The following HFE variants were observed in gnomAD, a reference collection of about 807,000 sequenced individuals.
The protein encoded by HFE is hereditary hemochromatosis protein.
HFE carries 36 observed loss-of-function variants against 40.9 expected under a neutral mutation model. That is an observed-to-expected ratio of 0.88 (90% confidence interval 0.67 to 1.16). HFE has a LOEUF of 1.16. Among genes scored for constraint, HFE ranks in the 50% most tolerant of loss-of-function variants. The pLI is 0.00. For missense variants in HFE, 376 were observed against 432.0 expected (o/e 0.87, Z 1.15); for synonymous variants, 157 against 165.4 (o/e 0.95, Z 0.39).
At position 26,092,666 on chromosome 6, in the gene HFE, C is replaced by T; in HGVS notation, c.617-19C>T. 6.2e-7 allele frequency: 1 copy of T among 1,614,182 alleles called. No individual in the cohort carries two copies. On this transcript the variant is annotated intron_variant, in intron 3 of 5. Coordinates refer to ENST00000357618, the MANE Select transcript of HFE (RefSeq NM_000410.4). ...GGTAAACAGATCCCCTCTCCTCATC[C>T]TTCCTCTTTCCTGTCAAGTGCCTCC...
Position 26,092,928 on chromosome 6 carries a change from C to T in HFE, c.860C>T (p.Pro287Leu), listed in dbSNP as rs1431315635. Residue 287 changes from proline (P) to leucine (L), a missense_variant, in exon 4 of 6, where the codon CCA becomes CTA. Around this residue, in one of 3 missense-constraint regions of HFE, gnomAD observed 173 missense variants for 186.9 expected, o/e 0.93. Coordinates refer to ENST00000357618, the MANE Select transcript of HFE (RefSeq NM_000410.4). ...AGATATACGTGCCAGGTGGAGCACC[C>T]AGGCCTGGATCAGCCCCTCATTGTG... is the stretch of plus-strand genomic sequence containing the variant. ...EQRYTCQVEH[P>L]GLDQPLIVIW... is the part of the protein sequence containing the mutation. The T allele has an allele frequency of 1.2e-6, 2 of 1,614,148 alleles. No individual in the cohort carries two copies.
intron 3 of HFE, 71 bp downstream of exon 3, chr6:26,091,660 C>A (rs2113754683): frequency 1.3e-6 from 2 of 1,547,552 alleles, no homozygotes; most frequent in Non-Finnish European, 1.8e-6. Context: ...GCACGGAATC[C>A]CTGGTTGGAG....
chr6:26,093,344 T>C (rs1762867216), intron 5 of HFE, 112 bp downstream of exon 5: 2 of 768,872 alleles, frequency 2.6e-6, no homozygotes, highest in African/African-American at 1.7e-5. Flanking sequence ...TTTATATTCT[T>C]TGGGGACACC....
chr6:26,092,478 T>C (rs2113759520), intron 3 of HFE: 1 of 768,702 alleles, frequency 1.3e-6, no homozygotes. Context: ...TATTTACATG[T>C]GAGGAGAACA....
chr6:26,091,315 GTC>G lies in HFE; in HGVS notation c.343_344del (p.Ser115ProfsTer10). ...TAACAAGGCTGGGGATTTTTCCAGA[GTC>G]CCACACCCTGCAGGTCATCCTGGGC... ...IMENHNHSKE[S>X]HTLQVILGCE... On this transcript the variant is annotated frameshift_variant and splice_region_variant, in exon 3 of 6. Coordinates refer to ENST00000357618, the MANE Select transcript of HFE (RefSeq NM_000410.4). LOFTEE classifies it high-confidence loss of function. The G allele has an allele frequency of 6.2e-7, 1 of 1,614,202 alleles. No homozygotes were observed. The highest frequency in any genetic ancestry group is 8.5e-7 in the Non-Finnish European group (1 of 1,180,036).
In HFE at chr6:26,094,855, G is replaced by A; in HGVS notation, c.*629G>A. On this transcript the variant is annotated 3_prime_UTR_variant, in exon 6 of 6. Transcript: ENST00000357618. The stretch of plus-strand genomic sequence containing the variant: ...CAGAAAAAGCATCATGGCTATCTGT[G>A]GGTAGTATGATGGGTGTTTTTAGCA... 1 of 193,492 alleles carries A rather than the reference G, an allele frequency of 5.2e-6. No individual in the cohort carries two copies. The highest frequency in any genetic ancestry group is 1.1e-5 in the Non-Finnish European group (1 of 92,460). 12.0% of individuals were successfully genotyped at this position (193,492 alleles called of 1,614,324 possible).
intron 1 of HFE, among the ~76,000 whole-genome samples, chr6:26,089,461 G>T (rs1290965608): frequency 6.6e-6 from 1 of 152,148 alleles, no homozygotes; most frequent in Non-Finnish European, 1.5e-5. Flanking sequence ...TGCTCTGGCT[G>T]CTATGTGGAA....
In HFE at chr6:26,092,675, T is replaced by G; in HGVS notation, c.617-10T>G. ...ATCCCCTCTCCTCATCCTTCCTCTT[T>G]CCTGTCAAGTGCCTCCTTTGGTGAA... On this transcript the variant is annotated splice_polypyrimidine_tract_variant and intron_variant, in intron 3 of 5. Coordinates refer to ENST00000357618, the MANE Select transcript of HFE (RefSeq NM_000410.4). The G allele has an allele frequency of 6.2e-7, 1 of 1,614,190 alleles. No homozygotes were observed. Among genetic ancestry groups the G allele is most frequent in the Non-Finnish European group, 8.5e-7 (1 of 1,180,018 alleles).
rs1338736813 is a variant in HFE, at chr6:26,092,713, T to C, written c.645T>C (p.His215=). 1.9e-6 allele frequency: 3 copies of C among 1,614,216 alleles called. No individual in the cohort carries two copies. The highest frequency in any genetic ancestry group is 2.5e-6 in the Non-Finnish European group (3 of 1,180,018). The stretch of plus-strand genomic sequence containing the variant: ...CTCCTTTGGTGAAGGTGACACATCA[T>C]GTGACCTCTTCAGTGACCACTCTAC... ...QVPPLVKVTH[H]VTSSVTTLRC... Residue 215 remains histidine (H), a synonymous_variant, in exon 4 of 6, where the codon CAT becomes CAC. Coordinates refer to ENST00000357618, the MANE Select transcript of HFE (RefSeq NM_000410.4).
rs1181015139 is a variant in HFE at position 26,095,063 on chromosome 6, A to G, written c.*837A>G. ...TCTCCTTGTTCTGATAATGAAAATT[A>G]TGATAAGGATGATAAAAGCACTTAC... On this transcript the variant is annotated 3_prime_UTR_variant, in exon 6 of 6. Transcript: ENST00000357618. 2.6e-5 allele frequency: 4 copies of G among 153,524 alleles called. No individual in the cohort carries two copies. Among genetic ancestry groups the G allele is most frequent in the African/African-American group, 9.6e-5 (4 of 41,458 alleles). The allele number at this position is 153,524 out of a possible 1,614,324, so 9.5% of individuals were successfully genotyped here. A position where few individuals can be genotyped will look rare whatever the true frequency, so the allele number is the denominator to read the frequency against.
chr6:26,095,712 A>C lies in HFE; in HGVS notation c.*1486A>C, dbSNP rs1219636299. 1 of 152,154 alleles carries C rather than the reference A, an allele frequency of 6.6e-6. No individual in the cohort carries two copies. The highest frequency in any genetic ancestry group is 1.5e-5 in the Non-Finnish European group (1 of 68,024). The allele number at this position is 152,154 out of a possible 1,614,324, so 9.4% of individuals were successfully genotyped here. On this transcript the variant is annotated 3_prime_UTR_variant, in exon 6 of 6. Coordinates refer to ENST00000357618, the MANE Select transcript of HFE (RefSeq NM_000410.4). ...ATTGTGTTTCTTCTGAGTGAGCTTG[A>C]ATCACATGAAGGGGAACAGCAGAAA...
chr6:26,091,580 G>T lies in HFE; in HGVS notation c.607G>T (p.Asp203Tyr). The change falls in exon 3 of 6, where the codon GAC (aspartate) becomes TAC (tyrosine). Residue 203 changes from aspartate to tyrosine, a missense_variant. Around this residue, in one of 3 missense-constraint regions of HFE, gnomAD observed 173 missense variants for 186.9 expected, o/e 0.93. Coordinates refer to ENST00000357618, the MANE Select transcript of HFE (RefSeq NM_000410.4). Reference sequence around the variant, plus strand: ...GCTGGAGCTGGGGAGAGGTGTTTTGGACCAACAAGGTATGGTGGAAACACA... The same window carrying T: ...GCTGGAGCTGGGGAGAGGTGTTTTGTACCAACAAGGTATGGTGGAAACACA... ...QLLELGRGVL[D>Y]QQVPPLVKVT... 1 of 1,612,920 alleles carries T rather than the reference G, an allele frequency of 6.2e-7. No homozygotes were observed. The highest frequency in any genetic ancestry group is 1.1e-5 in the South Asian group (1 of 90,968).
chr6:26,093,740 G>A (rs953162723), intron 5 of HFE, among the ~76,000 whole-genome samples: 2 of 151,960 alleles, frequency 1.3e-5, no homozygotes, highest in Non-Finnish European at 2.9e-5. Flanking sequence ...CCAAGTAGGA[G>A]AGTATAAGGC....
In HFE at chr6:26,087,448, C is replaced by G; in HGVS notation, c.8C>G (p.Pro3Arg). The G allele has an allele frequency of 6.2e-7, 1 of 1,614,022 alleles. No homozygotes were observed. Among genetic ancestry groups the G allele is most frequent in the Non-Finnish European group, 8.5e-7 (1 of 1,179,988 alleles). Residue 3 changes from proline to arginine, a missense_variant, in exon 1 of 6, where the codon CCG becomes CGG. By Grantham distance (103) the Pro-to-Arg change is moderately radical. Transcript: ENST00000357618. Reference sequence around the variant, plus strand: ...GCGGCCAGAGCTGGGGAAATGGGCCCGCGAGCCAGGCCGGCGCTTCTCCTC... The same window carrying G: ...GCGGCCAGAGCTGGGGAAATGGGCCGGCGAGCCAGGCCGGCGCTTCTCCTC... MG[P>R]RARPALLLLM...
At chr6:26,092,173 TAAAAAAAA>T (rs34225963) in intron 3 of HFE, among the ~76,000 whole-genome samples, 2 of 98,744 alleles carry the variant, frequency 2.0e-5, no homozygotes, top group African/African-American at 4.3e-5. Context: ...GACTCCATCT[TAAAAAAAA>T]AAAAAAAAAA....
chr6:26,090,466 A>C (rs1411066357), intron 1 of HFE, among the ~76,000 whole-genome samples: 1 of 151,016 alleles, frequency 6.6e-6, no homozygotes, highest in South Asian at 2.1e-4. Flanking sequence ...AAAAAAAAAA[A>C]AAAAACTGAA....
In HFE at chr6:26,096,662, A is replaced by G. The variant is rs1454315036; in HGVS notation, c.*2436A>G. 1 of 441,436 alleles carries G rather than the reference A, an allele frequency of 2.3e-6. No individual in the cohort carries two copies. Among genetic ancestry groups the G allele is most frequent in the Non-Finnish European group, 4.5e-6 (1 of 223,198 alleles). The allele number at this position is 441,436 out of a possible 1,614,324, so 27.3% of individuals were successfully genotyped here. ...TTTGTGGTTAGAAAAGTTATGTAGA[A>G]AAAAGTAAATGTGATTTACGCTCAT... On this transcript the variant is annotated 3_prime_UTR_variant, in exon 6 of 6. Coordinates refer to ENST00000357618, the MANE Select transcript of HFE (RefSeq NM_000410.4).
chr6:26,090,442 C>CCAA (rs1491263588), intron 1 of HFE, among the ~76,000 whole-genome samples: 1 of 36,720 alleles, frequency 2.7e-5, no homozygotes, highest in African/African-American at 1.1e-4. Flanking sequence ...GACTCTGTCT[C>CCAA]AAAAAAAAAA....
intron 3 of HFE, among the ~76,000 whole-genome samples, chr6:26,092,238 A>G (rs1405227371): frequency 1.3e-5 from 2 of 151,996 alleles, no homozygotes; most frequent in Non-Finnish European, 2.9e-5. Flanking sequence ...TACCAGGACA[A>G]AATATCAAGT....
Sources: gnomAD v4.1 joint callset for allele counts (sites outside exome capture counted in the v4.1 genomes callset) on GRCh38, gnomAD v4.1.1 for gene constraint, gnomAD v4.1.1 regional missense constraint, MANE v1.5 for transcripts, NCBI Gene and HGNC (gene_info 2026-07-23, HGNC 2026-07-21) for gene names.